OSBPL1A: variants seen among roughly 807,000 people sequenced by gnomAD.
The protein encoded by OSBPL1A is oxysterol binding protein like 1A.
A neutral mutation model predicts 137.1 loss-of-function variants in OSBPL1A; 80 were observed. The ratio of observed to expected loss-of-function variants is 0.58; its 90% CI spans 0.49 to 0.70. OSBPL1A has a LOEUF of 0.70. OSBPL1A is among the 30% of genes least tolerant of loss of function. The pLI is 0.00. For missense variants in OSBPL1A, 970 were observed against 1,129.4 expected, an observed-to-expected ratio of 0.86 and a Z score of 2.02; for synonymous variants, 365 against 389.7, an observed-to-expected ratio of 0.94 and a Z score of 0.75.
intron 16 of OSBPL1A, among the ~76,000 whole-genome samples, chr18:24,227,746 T>C (rs1428776555): frequency 6.6e-6 from 1 of 151,908 alleles, no homozygotes; most frequent in African/African-American, 2.4e-5. Context: ...CATCTTGGGG[T>C]GGGGGTGGTT....
intron 1 of OSBPL1A, among the ~76,000 whole-genome samples, chr18:24,380,758 T>C (rs977381189): frequency 1.3e-5 from 2 of 151,760 alleles, no homozygotes; most frequent in Admixed American, 6.6e-5. Context: ...TCGAGACCAG[T>C]CTGATCAACA....
intron 15 of OSBPL1A, among the ~76,000 whole-genome samples, chr18:24,268,763 T>C (rs1454997539): frequency 6.6e-6 from 1 of 152,162 alleles, no homozygotes; most frequent in Admixed American, 6.5e-5. Flanking sequence ...ATCTTTTGAT[T>C]TCAAACTTGT....
At chr18:24,333,253 T>C (rs1473563445) in intron 6 of OSBPL1A, among the ~76,000 whole-genome samples, 167 bp from the exon 7 acceptor site, 2 of 152,208 alleles carry the variant, frequency 1.3e-5, no homozygotes, top group South Asian at 2.1e-4. Context: ...GCCACACCCA[T>C]GCTTATTCTC....
At chr18:24,365,319 T>A (rs562974011) in intron 4 of OSBPL1A, among the ~76,000 whole-genome samples, 2 of 152,278 alleles carry the variant, frequency 1.3e-5, no homozygotes, top group East Asian at 3.9e-4. Flanking sequence ...GTGCGGTGGC[T>A]CACGCTTGTA....
intron 17 of OSBPL1A, among the ~76,000 whole-genome samples, chr18:24,211,966 G>T (rs1198879721): frequency 6.6e-6 from 1 of 151,876 alleles, no homozygotes; most frequent in Non-Finnish European, 1.5e-5. Flanking sequence ...CTACTCTAAG[G>T]TTTTGAGGAT....
intron 4 of OSBPL1A, among the ~76,000 whole-genome samples, chr18:24,345,556 C>A (rs1021566684): frequency 4.6e-5 from 7 of 152,068 alleles, no homozygotes; most frequent in Non-Finnish European, 1.0e-4. Flanking sequence ...CGTAGTGGCG[C>A]ACACCTGTAG....
intron 4 of OSBPL1A, among the ~76,000 whole-genome samples, chr18:24,358,901 C>T (rs2091579046): frequency 6.6e-6 from 1 of 151,958 alleles, no homozygotes; most frequent in South Asian, 2.1e-4. Context: ...ACATGCCATA[C>T]ATCCAGCTTT....
At chr18:24,375,076 A>G (rs1453784216) in intron 2 of OSBPL1A, among the ~76,000 whole-genome samples, 2 of 152,130 alleles carry the variant, frequency 1.3e-5, no homozygotes, top group Non-Finnish European at 2.9e-5. Flanking sequence ...ACACTTTGGG[A>G]GGCTGAGATG....
intron 17 of OSBPL1A, among the ~76,000 whole-genome samples, chr18:24,211,906 C>T (rs556820899): frequency 9.3e-6 from 1 of 107,478 alleles, no homozygotes; most frequent in Admixed American, 1.1e-4. Flanking sequence ...GAAACTCCAT[C>T]TCAAAAAAAA....
intron 4 of OSBPL1A, among the ~76,000 whole-genome samples, chr18:24,354,770 A>G (rs533960258): frequency 1.9e-3 from 289 of 148,792 alleles, no homozygotes; most frequent in South Asian, 9.3e-3. Flanking sequence ...AAAAAAAAAA[A>G]AAAGAAAGAA....
At chr18:24,304,299 T>G (rs564037656) in intron 13 of OSBPL1A, among the ~76,000 whole-genome samples, 68 of 152,300 alleles carry the variant, frequency 4.5e-4, no homozygotes, top group Non-Finnish European at 7.4e-4. Flanking sequence ...CCTTGTAATT[T>G]GAAAGTTCTA....
chr18:24,372,634 A>C (rs1482548345), intron 2 of OSBPL1A, among the ~76,000 whole-genome samples: 1 of 151,978 alleles, frequency 6.6e-6, no homozygotes, highest in Non-Finnish European at 1.5e-5. Context: ...TATTCATTAC[A>C]TCTAGTTTTC....
At chr18:24,330,943 C>T (rs763149303) in intron 7 of OSBPL1A, among the ~76,000 whole-genome samples, 72 of 152,126 alleles carry the variant, frequency 4.7e-4, no homozygotes, top group Non-Finnish European at 8.8e-4. Flanking sequence ...TACAGGTGCA[C>T]GCCACCATGC....
At chr18:24,333,321 G>C (rs1381460007) in intron 6 of OSBPL1A, among the ~76,000 whole-genome samples, 1 of 152,114 alleles carries the variant, frequency 6.6e-6, no homozygotes, top group African/African-American at 2.4e-5. Flanking sequence ...TCTGACAAGA[G>C]ACACTCTGCA....
At chr18:24,230,756 A>G (rs1208571546) in intron 16 of OSBPL1A, among the ~76,000 whole-genome samples, 3 of 152,168 alleles carry the variant, frequency 2.0e-5, no homozygotes, top group Non-Finnish European at 2.9e-5. Flanking sequence ...GAAACTTCTG[A>G]CCCCTGAAAA....
At chr18:24,261,869 T>C (rs1167851024) in intron 15 of OSBPL1A, among the ~76,000 whole-genome samples, 1 of 152,148 alleles carries the variant, frequency 6.6e-6, no homozygotes, top group African/African-American at 2.4e-5. Context: ...AAAAAATTTT[T>C]TCAAAGAATA....
At chr18:24,171,005 T>C (rs2086268134) in intron 23 of OSBPL1A, among the ~76,000 whole-genome samples, 1 of 151,856 alleles carries the variant, frequency 6.6e-6, no homozygotes, top group Admixed American at 6.6e-5. Context: ...TTCAACTTAT[T>C]AGAATGCTTG....
At chr18:24,239,722 G>A (rs557770015) in intron 15 of OSBPL1A, among the ~76,000 whole-genome samples, 5 of 151,680 alleles carry the variant, frequency 3.3e-5, no homozygotes, top group African/African-American at 9.7e-5. Flanking sequence ...TCAACATTAA[G>A]TACACAGTTA....
intron 4 of OSBPL1A, among the ~76,000 whole-genome samples, chr18:24,360,294 T>C (rs1402219313): frequency 1.3e-5 from 2 of 152,190 alleles, no homozygotes; most frequent in Non-Finnish European, 2.9e-5. Context: ...TTTTAAATAT[T>C]CCAGAGGATA....
Sources: gnomAD v4.1 joint callset for allele counts (sites outside exome capture counted in the v4.1 genomes callset) on GRCh38, gnomAD v4.1.1 for gene constraint, MANE v1.5 for transcripts, NCBI Gene and HGNC (gene_info 2026-07-23, HGNC 2026-07-21) for gene names.